The following TPD52L1 variants were observed in gnomAD, a reference collection of about 807,000 sequenced individuals.
The protein encoded by TPD52L1 is TPD52 like 1.
Under a neutral mutation model 28.7 loss-of-function variants are expected in TPD52L1, and 18 were observed. The observed-to-expected ratio is 0.63, with a 90% CI of 0.43 to 0.93. TPD52L1 has a LOEUF of 0.93. Among genes scored for constraint, TPD52L1 ranks in the 40% least tolerant of loss-of-function variants. TPD52L1 has a pLI of 0.00. For missense variants in TPD52L1, 203 were observed against 254.8 expected (o/e 0.80, Z 1.39); for synonymous variants, 75 against 88.8 (o/e 0.84, Z 0.88).
intron 4 of TPD52L1, 63 bp from the exon 5 acceptor site, chr6:125,253,654 A>G: frequency 1.4e-6 from 2 of 1,440,242 alleles, no homozygotes; most frequent in Non-Finnish European, 1.9e-6. Flanking sequence ...GGAGTTTTTC[A>G]TGTACTTATG....
intron 4 of TPD52L1, chr6:125,252,046 A>C: frequency 6.5e-7 from 1 of 1,536,100 alleles, no homozygotes; most frequent in East Asian, 2.4e-5. Flanking sequence ...GGTAAGCGCC[A>C]CAGGGCTGCG....
At chr6:125,172,157 T>TTTCTTTCCTTTCTTTC (rs1554202455) in intron 1 of TPD52L1, among the ~76,000 whole-genome samples, 4 of 54,042 alleles carry the variant, frequency 7.4e-5, no homozygotes, top group African/African-American at 3.4e-4. Flanking sequence ...TCTTTCTTTC[T>TTTCTTTCCTTTCTTTC]TTTCTTTCTT....
At chr6:125,206,291 T>C (rs185357110) in intron 1 of TPD52L1, among the ~76,000 whole-genome samples, 9 of 152,298 alleles carry the variant, frequency 5.9e-5, no homozygotes, top group Admixed American at 5.9e-4. Flanking sequence ...ATAGGTAATA[T>C]TATGTGTCTT....
intron 1 of TPD52L1, among the ~76,000 whole-genome samples, chr6:125,172,149 TTTC>T (rs1229658850): frequency 0.022 from 1,525 of 68,594 alleles, 5 homozygotes; most frequent in African/African-American, 0.031. Context: ...TCTTTCTTTC[TTTC>T]TTTCTTTTCT....
At chr6:125,201,088 T>C (rs1374790822) in intron 1 of TPD52L1, among the ~76,000 whole-genome samples, 6 of 152,220 alleles carry the variant, frequency 3.9e-5, no homozygotes, top group Non-Finnish European at 7.3e-5. Context: ...ATAGTAGTCA[T>C]GGGTTTTCTG....
At chr6:125,207,504 T>G (rs1489099193) in intron 1 of TPD52L1, among the ~76,000 whole-genome samples, 1 of 152,212 alleles carries the variant, frequency 6.6e-6, no homozygotes. Flanking sequence ...TTCTGGACTA[T>G]CCATTCAAAT....
chr6:125,154,272 C>A (rs1008128588), intron 1 of TPD52L1: 18 of 1,207,172 alleles, frequency 1.5e-5, no homozygotes, highest in Middle Eastern at 5.1e-4. Context: ...CCCAACCTCG[C>A]GGCTGCCCGA....
At chr6:125,161,862 G>A (rs961477139) in intron 1 of TPD52L1, among the ~76,000 whole-genome samples, 1 of 152,266 alleles carries the variant, frequency 6.6e-6, no homozygotes, top group South Asian at 2.1e-4. Context: ...CATGACATGA[G>A]CCCATGTTGG....
chr6:125,182,439 C>A (rs777776652), intron 1 of TPD52L1, among the ~76,000 whole-genome samples: 3 of 152,038 alleles, frequency 2.0e-5, no homozygotes, highest in Admixed American at 1.3e-4. Flanking sequence ...ATGAGTGTTA[C>A]CCTCTCTGGT....
intron 1 of TPD52L1, among the ~76,000 whole-genome samples, chr6:125,170,498 G>A (rs1175958435): frequency 6.6e-6 from 1 of 150,592 alleles, no homozygotes; most frequent in Admixed American, 6.7e-5. Context: ...CATATAAATC[G>A]GAGTTTCCTA....
chr6:125,188,243 C>T (rs925311631), intron 1 of TPD52L1, among the ~76,000 whole-genome samples: 3 of 152,146 alleles, frequency 2.0e-5, no homozygotes, highest in Non-Finnish European at 4.4e-5. Flanking sequence ...TCCACGTCAT[C>T]AGCTTGTTAT....
In TPD52L1 at chr6:125,203,888, T is replaced by C. The variant is rs146579251; in HGVS notation, c.20-16190T>C. The stretch of plus-strand genomic sequence containing the variant: ...AACAGTTTATAAACAATTTCAATAA[T>C]ATTCACAGTCAAGTAGAGCTGTCTT... On this transcript the variant is annotated intron_variant, in intron 1 of 6. Transcript: ENST00000534000. 107 of 695,610 alleles carry C rather than the reference T, an allele frequency of 1.5e-4. No homozygotes were observed. The African/African-American group carries it at 1.8e-3, about 12-fold the overall frequency. The allele number at this position is 695,610 out of a possible 1,614,324, so 43.1% of individuals were successfully genotyped here.
intron 1 of TPD52L1, among the ~76,000 whole-genome samples, chr6:125,183,120 G>A (rs1230103964): frequency 6.6e-6 from 1 of 152,154 alleles, no homozygotes; most frequent in African/African-American, 2.4e-5. Flanking sequence ...TTTCAGTGTG[G>A]CCAGCCTGGG....
At chr6:125,167,025 G>A (rs1790957270) in intron 1 of TPD52L1, among the ~76,000 whole-genome samples, 1 of 152,240 alleles carries the variant, frequency 6.6e-6, no homozygotes, top group South Asian at 2.1e-4. Flanking sequence ...TGGAGGCCGA[G>A]GCAGGAGGAC....
At chr6:125,164,446 A>G (rs944126186) in intron 1 of TPD52L1, among the ~76,000 whole-genome samples, 1 of 152,178 alleles carries the variant, frequency 6.6e-6, no homozygotes, top group Non-Finnish European at 1.5e-5. Context: ...CACCAGCTCA[A>G]ACAAAAGTCT....
chr6:125,207,442 A>G (rs75635305), intron 1 of TPD52L1, among the ~76,000 whole-genome samples: 213 of 152,350 alleles, frequency 1.4e-3, no homozygotes, highest in African/African-American at 4.8e-3. Context: ...GATTCTCCAT[A>G]GATCTCTTCT....
intron 1 of TPD52L1, among the ~76,000 whole-genome samples, chr6:125,177,406 T>C (rs1791891545): frequency 6.6e-6 from 1 of 152,202 alleles, no homozygotes; most frequent in East Asian, 1.9e-4. Flanking sequence ...TTAATCTTTT[T>C]AATGTCCTTA....
chr6:125,179,227 A>G (rs1387225284), intron 1 of TPD52L1, among the ~76,000 whole-genome samples: 1 of 152,262 alleles, frequency 6.6e-6, no homozygotes, highest in Non-Finnish European at 1.5e-5. Context: ...GAGAACTTCA[A>G]GAGGACAAAT....
chr6:125,176,818 C>T (rs1295094651), intron 1 of TPD52L1, among the ~76,000 whole-genome samples: 2 of 152,154 alleles, frequency 1.3e-5, no homozygotes, highest in Non-Finnish European at 2.9e-5. Context: ...AGGTGGATCA[C>T]TTGAGCCCAG....
Sources: gnomAD v4.1 joint callset for allele counts (sites outside exome capture counted in the v4.1 genomes callset) on GRCh38, gnomAD v4.1.1 for gene constraint, MANE v1.5 for transcripts, NCBI Gene and HGNC (gene_info 2026-07-23, HGNC 2026-07-21) for gene names.